Variants in GAS2 observed in about 807,000 individuals in gnomAD.
GAS2 encodes the protein growth arrest-specific protein 2.
GAS2 carries 20 observed loss-of-function variants against 37.5 expected under a neutral mutation model. The ratio of observed to expected loss-of-function variants is 0.53; its 90% confidence interval spans 0.37 to 0.77. The LOEUF (loss-of-function observed/expected upper bound fraction) is 0.77. Ranked by LOEUF, GAS2 falls within the 30% of genes least tolerant of loss-of-function variation. GAS2 has a pLI of 0.00. For synonymous variants in GAS2, 144 were observed against 132.2 expected (o/e 1.09, Z -0.61); for missense variants, 336 against 373.4 (o/e 0.90, Z 0.82).
chr11:22,709,671 A>G (rs1465235148), intron 3 of GAS2, among the ~76,000 whole-genome samples: 1 of 152,186 alleles, frequency 6.6e-6, no homozygotes, highest in Non-Finnish European at 1.5e-5. Context: ...GTATATACCC[A>G]AAGGACTATA....
intron 1 of GAS2, among the ~76,000 whole-genome samples, chr11:22,667,363 C>T (rs1849025771): frequency 1.3e-5 from 2 of 152,144 alleles, no homozygotes; most frequent in Admixed American, 1.3e-4. Flanking sequence ...TCTTAAAGGG[C>T]TGATCCTGAA....
At chr11:22,671,694 A>G (rs559415999) in intron 1 of GAS2, among the ~76,000 whole-genome samples, 9 of 152,224 alleles carry the variant, frequency 5.9e-5, no homozygotes, top group African/African-American at 1.9e-4. Flanking sequence ...CATCTGATCC[A>G]TATTGACTAA....
chr11:22,694,572 T>C (rs557162415), intron 3 of GAS2, among the ~76,000 whole-genome samples: 2 of 152,212 alleles, frequency 1.3e-5, no homozygotes, highest in African/African-American at 4.8e-5. Context: ...TCGAATAGAA[T>C]GTGGAATTTT....
upstream of GAS2, among the ~76,000 whole-genome samples, chr11:22,662,097 C>A (rs1234841861): frequency 6.6e-6 from 1 of 152,140 alleles, no homozygotes; most frequent in East Asian, 1.9e-4. Flanking sequence ...AATTTGAAAG[C>A]CACTGCAGTA....
At chr11:22,764,561 C>CA (rs71311297) in intron 7 of GAS2, among the ~76,000 whole-genome samples, 18,936 of 61,266 alleles carry the variant, frequency 0.31, 2,587 homozygotes, top group Non-Finnish European at 0.32. Context: ...GACTCCGTCT[C>CA]AAAAAAAAAA....
At chr11:22,696,000 G>C (rs1850490744) in intron 3 of GAS2, among the ~76,000 whole-genome samples, 1 of 151,786 alleles carries the variant, frequency 6.6e-6, no homozygotes. Context: ...GTGCAGGTTA[G>C]TTACATATAT....
At chr11:22,804,986 A>G (rs1202556922) in intron 7 of GAS2, among the ~76,000 whole-genome samples, 1 of 152,154 alleles carries the variant, frequency 6.6e-6, no homozygotes, top group Non-Finnish European at 1.5e-5. Flanking sequence ...TTGTAGTGCA[A>G]GCATTCTAGG....
chr11:22,739,233 T>C (rs749929394), intron 5 of GAS2, among the ~76,000 whole-genome samples: 5 of 152,074 alleles, frequency 3.3e-5, no homozygotes, highest in Admixed American at 1.3e-4. Context: ...GGAAGACAAA[T>C]GGCCTTAAGT....
At chr11:22,626,480 C>G (rs1316404178) in intron 1 of GAS2, 1 of 153,798 alleles carries the variant, frequency 6.5e-6, no homozygotes, top group African/African-American at 2.4e-5. Flanking sequence ...TTAATTGACT[C>G]TTCTGTCATA....
chr11:22,633,288 A>C (rs925655816), intron 1 of GAS2, among the ~76,000 whole-genome samples: 1 of 151,918 alleles, frequency 6.6e-6, no homozygotes, highest in Admixed American at 6.6e-5. Flanking sequence ...AGTTTATTTT[A>C]GCCTATTTCA....
chr11:22,717,025 A>G (rs1034377305), intron 3 of GAS2, among the ~76,000 whole-genome samples: 1 of 152,238 alleles, frequency 6.6e-6, no homozygotes, highest in East Asian at 1.9e-4. Context: ...AACACATCCC[A>G]TGCTCATGGA....
chr11:22,720,802 A>C (rs1379182544), intron 3 of GAS2, among the ~76,000 whole-genome samples: 1 of 152,012 alleles, frequency 6.6e-6, no homozygotes, highest in Non-Finnish European at 1.5e-5. Flanking sequence ...GAATTATTTA[A>C]ACTACCAGTA....
At chr11:22,772,728 A>G (rs1855046461) in intron 7 of GAS2, among the ~76,000 whole-genome samples, 1 of 152,108 alleles carries the variant, frequency 6.6e-6, no homozygotes, top group South Asian at 2.1e-4. Flanking sequence ...TTTCCCAGAG[A>G]TGAGTAGAAG....
chr11:22,810,993 C>T (rs1325059740), intron 7 of GAS2, among the ~76,000 whole-genome samples: 1 of 152,116 alleles, frequency 6.6e-6, no homozygotes, highest in African/African-American at 2.4e-5. Context: ...CTTTGATGAT[C>T]ATGCAACATT....
chr11:22,779,786 C>G (rs540265307), intron 7 of GAS2, among the ~76,000 whole-genome samples: 1 of 151,764 alleles, frequency 6.6e-6, no homozygotes, highest in South Asian at 2.1e-4. Context: ...CTTTCTCTAT[C>G]CATTTTCTAA....
intron 6 of GAS2, among the ~76,000 whole-genome samples, chr11:22,755,318 A>G (rs1360745190): frequency 1.3e-5 from 2 of 152,132 alleles, no homozygotes; most frequent in African/African-American, 4.8e-5. Flanking sequence ...TGAGAGATTA[A>G]TTCTTAGAGA....
intron 3 of GAS2, among the ~76,000 whole-genome samples, chr11:22,712,527 T>C (rs1318345959): frequency 6.6e-6 from 1 of 152,198 alleles, no homozygotes; most frequent in African/African-American, 2.4e-5. Flanking sequence ...AGGATTACCC[T>C]GTGGGACAAA....
intron 7 of GAS2, among the ~76,000 whole-genome samples, chr11:22,787,878 A>G (rs1164954766): frequency 6.6e-6 from 1 of 152,172 alleles, no homozygotes; most frequent in Non-Finnish European, 1.5e-5. Context: ...AGAGATCTTA[A>G]ATATGGTTGA....
chr11:22,777,639 G>A (rs1219682965), intron 7 of GAS2, among the ~76,000 whole-genome samples: 1 of 152,184 alleles, frequency 6.6e-6, no homozygotes, highest in Non-Finnish European at 1.5e-5. Context: ...GGAATAGGAA[G>A]AACTCAAGGG....
Sources: gnomAD v4.1 joint callset for allele counts (sites outside exome capture counted in the v4.1 genomes callset) on GRCh38, gnomAD v4.1.1 for gene constraint, MANE v1.5 for transcripts, NCBI Gene and HGNC (gene_info 2026-07-23, HGNC 2026-07-21) for gene names.